ITGB2: variants seen among roughly 807,000 people sequenced by gnomAD.
The protein encoded by ITGB2 is integrin subunit beta 2.
In ITGB2, 56 loss-of-function variants were observed where a neutral mutation model predicts 86.8. The observed-to-expected ratio is 0.65, with a 90% confidence interval of 0.52 to 0.81. ITGB2 has a LOEUF of 0.81. ITGB2 is among the 30% of genes least tolerant of loss of function. The probability of loss-of-function intolerance (pLI) is 0.00; values close to 1 mark genes in which losing one functional copy is unlikely to be tolerated. For missense variants in ITGB2, 948 were observed against 1,061.2 expected, an observed-to-expected ratio of 0.89 and a Z score of 1.48; for synonymous variants, 457 against 450.4, an observed-to-expected ratio of 1.01 and a Z score of -0.19.
chr21:44,893,308 ACCCCTCAGTGTG>A, intron 10 of ITGB2, 84 bp downstream of exon 10: 2 of 1,459,642 alleles, frequency 1.4e-6, no homozygotes, highest in Non-Finnish European at 1.9e-6. Context: ...TGTCCCCAGG[ACCCCTCAGTGTG>A]CTGGGATGGG....
intron 1 of ITGB2, among the ~76,000 whole-genome samples, chr21:44,917,888 G>A (rs188186724): frequency 4.3e-4 from 66 of 152,334 alleles, no homozygotes; most frequent in African/African-American, 1.6e-3. Flanking sequence ...GAGAGAACAC[G>A]CAGCCCGGGG....
chr21:44,914,968 A>C (rs934109887), intron 1 of ITGB2, among the ~76,000 whole-genome samples: 1 of 152,142 alleles, frequency 6.6e-6, no homozygotes, highest in Non-Finnish European at 1.5e-5. Flanking sequence ...GGAAACTTTA[A>C]GCAAGACAGC....
At chr21:44,906,806 AC>A in intron 4 of ITGB2, 108 bp downstream of exon 4, 1 of 1,209,476 alleles carries the variant, frequency 8.3e-7, no homozygotes, top group South Asian at 1.2e-5. Context: ...TCCGACCCGG[AC>A]ACATGCCTTC....
chr21:44,924,761 G>A (rs565813294), upstream of ITGB2, among the ~76,000 whole-genome samples: 12 of 152,246 alleles, frequency 7.9e-5, no homozygotes, highest in Admixed American at 4.6e-4. Context: ...CCACACTCAC[G>A]CTACGGGGTA....
Position 44,899,060 on chromosome 21 carries a change from C to T in ITGB2, c.993+7G>A. On this transcript the variant is annotated splice_region_variant and intron_variant, in intron 8 of 15. Coordinates refer to ENST00000652462, the MANE Select transcript of ITGB2 (RefSeq NM_000211.5). The stretch of plus-strand genomic sequence containing the variant: ...CCAATGGATGCTCGGGACCCAACAG[C>T]ACTCACCTCGTAGGTCTTCACCATC... 1 of 1,609,440 alleles carries T rather than the reference C, an allele frequency of 6.2e-7. No homozygotes were observed.
rs529950915 is a variant in ITGB2 at position 44,886,592 on chromosome 21, A to G, written c.2247+144T>C. The G allele has an allele frequency of 4.2e-4, 599 of 1,412,478 alleles. 1 individual carries two copies. In the Middle Eastern group the frequency reaches 4.4e-3, roughly 10 times the overall value. 87.5% of individuals were successfully genotyped at this position (1,412,478 alleles called of 1,614,324 possible). Reference sequence around the variant, plus strand: ...AGCACCGGCAGCCAAGCTCACCCACAGCGGCGGACGCCCAGAGGACAAGCT... The same window carrying G: ...AGCACCGGCAGCCAAGCTCACCCACGGCGGCGGACGCCCAGAGGACAAGCT... On this transcript the variant is annotated intron_variant, in intron 15 of 15. Transcript: ENST00000652462.
chr21:44,908,150 G>A (rs756762653), intron 3 of ITGB2: 24 of 744,770 alleles, frequency 3.2e-5, no homozygotes, highest in South Asian at 1.3e-4. Flanking sequence ...TGCTCGCCGC[G>A]GTGGCGTGGG....
At chr21:44,901,943 G>A (rs1048979374) in intron 5 of ITGB2, 26 of 600,794 alleles carry the variant, frequency 4.3e-5, no homozygotes, top group Non-Finnish European at 2.3e-5. Flanking sequence ...ACCTGGGAGT[G>A]TGCAATGTAC....
intron 8 of ITGB2, 46 bp from the exon 9 acceptor site, chr21:44,895,106 ACGGCAT>A: frequency 7.0e-7 from 1 of 1,432,078 alleles, no homozygotes; most frequent in East Asian, 2.3e-5. Context: ...GACCTGTGCC[ACGGCAT>A]CTCCACGCAC....
intron 8 of ITGB2, among the ~76,000 whole-genome samples, chr21:44,896,099 T>C (rs1053832485): frequency 1.3e-5 from 2 of 151,694 alleles, no homozygotes; most frequent in Non-Finnish European, 2.9e-5. Context: ...CTGCCTGCGG[T>C]GTGACTGCTC....
intron 3 of ITGB2, among the ~76,000 whole-genome samples, chr21:44,909,684 G>A (rs1446440067): frequency 6.6e-6 from 1 of 152,182 alleles, no homozygotes; most frequent in Non-Finnish European, 1.5e-5. Context: ...ACATCATTGG[G>A]ACAACCAATA....
intron 1 of ITGB2, among the ~76,000 whole-genome samples, chr21:44,913,222 C>G (rs1462931004): frequency 1.3e-5 from 2 of 151,968 alleles, no homozygotes; most frequent in Non-Finnish European, 2.9e-5. Context: ...CCTGGCAGCC[C>G]CAGCCAGGCT....
intron 10 of ITGB2, among the ~76,000 whole-genome samples, chr21:44,892,357 C>T (rs751035676): frequency 1.1e-4 from 17 of 149,642 alleles, no homozygotes; most frequent in East Asian, 2.0e-4. Context: ...CCGCGGCTCA[C>T]GCCTGTAATC....
chr21:44,903,248 C>T, intron 5 of ITGB2, 117 bp downstream of exon 5: 1 of 1,308,018 alleles, frequency 7.6e-7, no homozygotes, highest in Non-Finnish European at 1.1e-6. Flanking sequence ...GGACCTGCAT[C>T]TGGGGCCCCC....
intron 3 of ITGB2, among the ~76,000 whole-genome samples, chr21:44,909,820 C>T (rs1255469469): frequency 6.6e-6 from 1 of 152,182 alleles, no homozygotes; most frequent in African/African-American, 2.4e-5. Flanking sequence ...AAGTACATTT[C>T]CTCTTGGCCA....
At chr21:44,918,997 A>ATCCCCTCTCCCAGCACTCGGAGCTGAGC (rs2084253399) in intron 1 of ITGB2, among the ~76,000 whole-genome samples, 1 of 44,012 alleles carries the variant, frequency 2.3e-5, no homozygotes, top group Non-Finnish European at 3.9e-5. Flanking sequence ...GGAGCTGAGC[A>ATCCCCTCTCCCAGCACTCGGAGCTGAGC]TTCCCCTCTC....
chr21:44,889,566 C>G (rs1469705681), intron 12 of ITGB2, 71 bp from the exon 13 acceptor site: 1 of 1,359,168 alleles, frequency 7.4e-7, no homozygotes, highest in East Asian at 2.5e-5. Context: ...AACCCCACTG[C>G]GGTTGCTCCC....
chr21:44,919,890 G>C (rs1411566387), intron 1 of ITGB2, among the ~76,000 whole-genome samples: 1 of 152,194 alleles, frequency 6.6e-6, no homozygotes, highest in Non-Finnish European at 1.5e-5. Context: ...GGGGAGGGCT[G>C]GCCCCAAGAG....
At chr21:44,902,243 A>C (rs2083970719) in intron 5 of ITGB2, among the ~76,000 whole-genome samples, 1 of 152,226 alleles carries the variant, frequency 6.6e-6, no homozygotes, top group African/African-American at 2.4e-5. Flanking sequence ...ATGGGTGATC[A>C]TGAGTGTGCA....
Sources: gnomAD v4.1 joint callset for allele counts (sites outside exome capture counted in the v4.1 genomes callset) on GRCh38, gnomAD v4.1.1 for gene constraint, MANE v1.5 for transcripts, NCBI Gene and HGNC (gene_info 2026-07-23, HGNC 2026-07-21) for gene names.